The following BRD4 variants were observed in gnomAD, a reference collection of about 807,000 sequenced individuals.
The protein encoded by BRD4 is bromodomain containing 4, also known as bromodomain-containing protein 4.
In BRD4, 16 loss-of-function variants were observed where a neutral mutation model predicts 142.1. That is an observed-to-expected ratio of 0.11 (90% CI 0.08 to 0.17). BRD4 has a LOEUF of 0.17. Ranked by LOEUF, BRD4 falls within the 10% of genes least tolerant of loss-of-function variation. The probability of loss-of-function intolerance (pLI) is 1.00; values close to 1 mark genes in which losing one functional copy is unlikely to be tolerated. For missense variants in BRD4, 1,424 were observed against 1,810.9 expected, an observed-to-expected ratio of 0.79 and a Z score of 3.88; for synonymous variants, 833 against 707.5, an observed-to-expected ratio of 1.18 and a Z score of -2.82.
At position 15,237,244 on chromosome 19, in the gene BRD4, G is replaced by GT. The variant is rs1324893416; in HGVS notation, c.*1132dup. On this transcript the variant is annotated 3_prime_UTR_variant, in exon 20 of 20. Coordinates refer to ENST00000679869, the MANE Select transcript of BRD4 (RefSeq NM_001379291.1). ...AAAAAACAAAAAAGCCAACAAATGG[G>GT]TGGGGGGGGGGGGGGTGGAGGGGAA... 7 of 88,450 alleles carry GT rather than the reference G, an allele frequency of 7.9e-5. No homozygotes were observed. Among genetic ancestry groups the GT allele is most frequent in the Non-Finnish European group, 1.1e-4 (5 of 43,496 alleles). 5.5% of individuals were successfully genotyped at this position (88,450 alleles called of 1,614,324 possible).
At chr19:15,311,293 AAAAAAAAC>A (rs1191651069) in intron 1 of BRD4, among the ~76,000 whole-genome samples, 3 of 151,938 alleles carry the variant, frequency 2.0e-5, no homozygotes, top group African/African-American at 4.8e-5. Context: ...CTCTGTCTCA[AAAAAAAAC>A]AAAAAAACAA....
chr19:15,309,430 G>A (rs1294014785), intron 1 of BRD4, among the ~76,000 whole-genome samples: 5 of 151,814 alleles, frequency 3.3e-5, no homozygotes, highest in African/African-American at 4.8e-5. Flanking sequence ...AACAATTGTC[G>A]GCAAAGATGT....
chr19:15,331,323 G>A (rs981605804), intron 1 of BRD4, among the ~76,000 whole-genome samples: 2 of 152,238 alleles, frequency 1.3e-5, no homozygotes, highest in Non-Finnish European at 2.9e-5. Context: ...TCTCAGCCGA[G>A]TGAAGCCATG....
chr19:15,299,121 G>A (rs2047847666), intron 1 of BRD4, among the ~76,000 whole-genome samples: 1 of 152,204 alleles, frequency 6.6e-6, no homozygotes, highest in Non-Finnish European at 1.5e-5. Context: ...TGTAGAAATA[G>A]GCAGTGTCTT....
At chr19:15,269,085 A>G in intron 2 of BRD4, 43 bp from the exon 3 acceptor site, 1 of 1,609,704 alleles carries the variant, frequency 6.2e-7, no homozygotes, top group Non-Finnish European at 8.5e-7. Context: ...CTAGGCAGCC[A>G]GGCAGCACAA....
chr19:15,270,668 T>C (rs1183715427), intron 2 of BRD4, among the ~76,000 whole-genome samples: 2 of 152,136 alleles, frequency 1.3e-5, no homozygotes, highest in East Asian at 1.9e-4. Context: ...GGGGCCATGA[T>C]AGGAGATCAA....
chr19:15,270,529 C>T (rs1175885486), intron 2 of BRD4, among the ~76,000 whole-genome samples: 1 of 152,126 alleles, frequency 6.6e-6, no homozygotes, highest in Non-Finnish European at 1.5e-5. Context: ...TATTCTATGG[C>T]CAAAGGCCAC....
At chr19:15,240,448 C>T (rs148645607) in intron 14 of BRD4, among the ~76,000 whole-genome samples, 179 of 152,316 alleles carry the variant, frequency 1.2e-3, no homozygotes, top group African/African-American at 4.2e-3. Context: ...TTCCTGCCAA[C>T]TAGCCTGGCC....
intron 1 of BRD4, among the ~76,000 whole-genome samples, chr19:15,314,880 G>A (rs1020314498): frequency 8.5e-5 from 13 of 152,174 alleles, no homozygotes; most frequent in Non-Finnish European, 1.8e-4. Context: ...GTCTAGACCA[G>A]ACCTTGGAAG....
chr19:15,265,562 T>C lies in BRD4; in HGVS notation c.641A>G (p.Asn214Ser), dbSNP rs1463048570. The C allele has an allele frequency of 6.2e-7, 1 of 1,613,806 alleles. No individual in the cohort carries two copies. The highest frequency in any genetic ancestry group is 8.5e-7 in the Non-Finnish European group (1 of 1,179,990). The change falls in exon 5 of 20, where the codon AAT becomes AGT. Residue 214 changes from asparagine (N) to serine (S), a missense_variant. Physicochemically the swap from Asn to Ser is conservative, Grantham distance 46. Transcript: ENST00000679869. ...TPPQTQTPQP[N>S]PPPVQATPHP... The stretch of plus-strand genomic sequence containing the variant: ...AGGCGTGGCCTGCACAGGAGGAGGA[T>C]TCGGCTGAGGGGTCTGGGTCTGCGG...
rs573218508 is a variant in BRD4 at position 15,260,218 on chromosome 19, T to G, written c.1342-3045A>C. Among the ~76,000 whole-genome samples the G allele has an allele frequency of 2.0e-5, 3 of 152,334 alleles. No homozygotes were observed. In the South Asian group the frequency reaches 6.2e-4, roughly 32 times the overall value. On this transcript the variant is annotated intron_variant, in intron 7 of 19. Transcript: ENST00000679869. ...CAGGTTTTCTCAATGACCCGAGAAT[T>G]TAGAGGCTCAGAGAGAAAAATAAAG...
At chr19:15,295,426 G>C (rs2047815092) in intron 1 of BRD4, among the ~76,000 whole-genome samples, 1 of 152,294 alleles carries the variant, frequency 6.6e-6, no homozygotes, top group Admixed American at 6.5e-5. Flanking sequence ...CTTTCCGTGT[G>C]TCCTCCATTT....
intron 11 of BRD4, among the ~76,000 whole-genome samples, chr19:15,245,353 G>A (rs990310886): frequency 2.0e-5 from 3 of 151,960 alleles, no homozygotes; most frequent in South Asian, 2.1e-4. Flanking sequence ...GGAACATATC[G>A]GCAAGGGAAA....
chr19:15,302,865 A>G (rs1328451866), intron 1 of BRD4, among the ~76,000 whole-genome samples: 3 of 151,218 alleles, frequency 2.0e-5, no homozygotes, highest in Non-Finnish European at 4.4e-5. Context: ...AAAATTAGCC[A>G]GGCGTGGTGG....
intron 10 of BRD4, among the ~76,000 whole-genome samples, chr19:15,254,568 T>A (rs192175193): frequency 3.3e-4 from 50 of 152,260 alleles, no homozygotes; most frequent in African/African-American, 1.1e-3. Flanking sequence ...AAGGTACCGC[T>A]GGGCATAAGG....
At chr19:15,262,166 G>GAGGC (rs2047478508) in intron 7 of BRD4, among the ~76,000 whole-genome samples, 1 of 152,168 alleles carries the variant, frequency 6.6e-6, no homozygotes, top group African/African-American at 2.4e-5. Flanking sequence ...GTGCAGCTGG[G>GAGGC]AGGCAGGCAG....
chr19:15,301,739 T>C (rs1288125461), intron 1 of BRD4, among the ~76,000 whole-genome samples: 2 of 151,324 alleles, frequency 1.3e-5, no homozygotes, highest in Admixed American at 6.6e-5. Flanking sequence ...TGGGCGCCTG[T>C]AGTCCCAGCT....
At chr19:15,322,303 G>A (rs933495316) in intron 1 of BRD4, among the ~76,000 whole-genome samples, 4 of 151,916 alleles carry the variant, frequency 2.6e-5, no homozygotes, top group South Asian at 2.1e-4. Context: ...ATGGAGTCTC[G>A]CTCTGTCGCC....
At position 15,240,007 on chromosome 19, in the gene BRD4, G is replaced by A. The variant is rs2145503154; in HGVS notation, c.3185C>T (p.Ala1062Val). 6.2e-7 allele frequency: 1 copy of A among 1,611,342 alleles called. No individual in the cohort carries two copies. The change falls in exon 15 of 20, where the codon GCC becomes GTC. Residue 1062 changes from alanine to valine, a missense_variant. Transcript: ENST00000679869. ...DPYSTGHLRE[A>V]PSPLMIHSPQ... ...GGAATGTATCATAAGCGGGGAGGGG[G>A]CTTCGCGGAGGTGACCTAGGAGAAG... is the stretch of plus-strand genomic sequence containing the variant.
Sources: allele counts gnomAD v4.1 joint callset (sites outside exome capture counted in the v4.1 genomes callset), GRCh38; gene constraint gnomAD v4.1.1; transcripts MANE v1.5; gene names NCBI Gene and HGNC (gene_info 2026-07-23, HGNC 2026-07-21).